CLSTN2: variants seen among roughly 807,000 people sequenced by gnomAD.
The protein encoded by CLSTN2 is calsyntenin 2.
A neutral mutation model predicts 101.2 loss-of-function variants in CLSTN2; 48 were observed. The observed-to-expected ratio is 0.47, with a 90% CI of 0.38 to 0.60. The LOEUF is 0.60. Among genes scored for constraint, CLSTN2 ranks in the 20% least tolerant of loss-of-function variants. The probability of loss-of-function intolerance (pLI) is 0.00; values close to 1 mark genes in which losing one functional copy is unlikely to be tolerated. For synonymous variants in CLSTN2, 481 were observed against 463.6 expected (o/e 1.04, Z -0.48); for missense variants, 1,160 against 1,238.2 (o/e 0.94, Z 0.95).
chr3:139,954,128 C>T (rs1311349310), intron 1 of CLSTN2, among the ~76,000 whole-genome samples: 4 of 152,112 alleles, frequency 2.6e-5, no homozygotes, highest in Non-Finnish European at 5.9e-5. Flanking sequence ...CCCCCTCCAA[C>T]CCTCCATCCT....
rs545057151 is a variant in CLSTN2 at position 140,250,709 on chromosome 3, G to A, written c.232+74636G>A. Reference sequence around the variant, plus strand: ...GATGAGCCTTCGCCAGGGATAATTAGGCCAAATGGGTGTGAAAATCTACCC... The same window carrying A: ...GATGAGCCTTCGCCAGGGATAATTAAGCCAAATGGGTGTGAAAATCTACCC... On this transcript the variant is annotated intron_variant, in intron 2 of 16. Coordinates refer to ENST00000458420, the MANE Select transcript of CLSTN2 (RefSeq NM_022131.3). Among the ~76,000 whole-genome samples, 10 of 152,262 alleles carry A rather than the reference G, an allele frequency of 6.6e-5. No individual in the cohort carries two copies. The South Asian group carries it at 2.1e-3, about 32-fold the overall frequency.
intron 2 of CLSTN2, among the ~76,000 whole-genome samples, chr3:140,346,189 T>G (rs760359491): frequency 6.6e-6 from 1 of 152,246 alleles, no homozygotes; most frequent in Non-Finnish European, 1.5e-5. Flanking sequence ...AGGTGTGTAT[T>G]CTATGCCAGT....
chr3:140,106,464 G>A (rs2009059751), intron 1 of CLSTN2, among the ~76,000 whole-genome samples: 1 of 152,184 alleles, frequency 6.6e-6, no homozygotes, highest in African/African-American at 2.4e-5. Context: ...CTGACACACA[G>A]GATGGAGCAG....
At chr3:139,976,181 G>C (rs2107821242) in intron 1 of CLSTN2, among the ~76,000 whole-genome samples, 1 of 152,286 alleles carries the variant, frequency 6.6e-6, no homozygotes, top group South Asian at 2.1e-4. Context: ...ATTATAGGAA[G>C]AGCCTGCTCT....
chr3:140,073,434 G>A (rs1033250797), intron 1 of CLSTN2, among the ~76,000 whole-genome samples: 1 of 152,214 alleles, frequency 6.6e-6, no homozygotes, highest in African/African-American at 2.4e-5. Context: ...TGCCTCACCA[G>A]CTGACTAATT....
chr3:140,191,442 C>T (rs921610618), intron 2 of CLSTN2, among the ~76,000 whole-genome samples: 1 of 151,940 alleles, frequency 6.6e-6, no homozygotes, highest in African/African-American at 2.4e-5. Context: ...GAAGTGTCCC[C>T]TCCTGTTTTC....
rs1282714148 is a variant in CLSTN2 at position 140,320,710 on chromosome 3, AG to A, written c.233-82918del. Among the ~76,000 whole-genome samples the A allele has an allele frequency of 1.3e-4, 20 of 152,310 alleles. No homozygotes were observed. The East Asian group carries it at 3.9e-3, about 29-fold the overall frequency. Reference sequence around the variant, plus strand: ...TATTGACTCCCCCTTCCAAAAAAAAAGAAAAAAAGGATACAGGAACAAGTTC... The same window carrying A: ...TATTGACTCCCCCTTCCAAAAAAAAAAAAAAAAGGATACAGGAACAAGTTC... On this transcript the variant is annotated intron_variant, in intron 2 of 16. Coordinates refer to ENST00000458420, the MANE Select transcript of CLSTN2 (RefSeq NM_022131.3).
chr3:140,455,079 G>A lies in CLSTN2; in HGVS notation c.974-4442G>A, dbSNP rs192068604. On this transcript the variant is annotated intron_variant, in intron 6 of 16. Coordinates refer to ENST00000458420, the MANE Select transcript of CLSTN2 (RefSeq NM_022131.3). ...CCCCAAGGTAGAGCCACTTCTGTTG[G>A]GTTCATTGCTGCATTCTCATGGCAG... 1.2e-4 allele frequency among the ~76,000 whole-genome samples: 19 copies of A among 152,308 alleles called. No individual in the cohort carries two copies. The East Asian group carries it at 3.5e-3, about 28-fold the overall frequency.
chr3:140,147,191 C>G (rs557734889), intron 1 of CLSTN2, among the ~76,000 whole-genome samples: 10 of 152,332 alleles, frequency 6.6e-5, no homozygotes, highest in African/African-American at 2.4e-4. Flanking sequence ...CCCAGTGGGT[C>G]CTCTGAGGTG....
At chr3:140,242,165 G>T (rs1173520831) in intron 2 of CLSTN2, among the ~76,000 whole-genome samples, 1 of 151,982 alleles carries the variant, frequency 6.6e-6, no homozygotes, top group Non-Finnish European at 1.5e-5. Flanking sequence ...GCCCACCTTG[G>T]CCTCCCCAAG....
chr3:140,455,997 CCT>C (rs1933389425), intron 6 of CLSTN2, among the ~76,000 whole-genome samples: 1 of 152,124 alleles, frequency 6.6e-6, no homozygotes, highest in Non-Finnish European at 1.5e-5. Flanking sequence ...TCAGTGTGCC[CCT>C]CTGTCAGAGC....
At chr3:140,562,044 C>T in intron 12 of CLSTN2, 94 bp from the exon 13 acceptor site, 1 of 1,141,498 alleles carries the variant, frequency 8.8e-7, no homozygotes, top group East Asian at 2.4e-5. Flanking sequence ...CAGCCTTAAC[C>T]TGGGGTGCAA....
chr3:140,400,369 A>T (rs1352039315), intron 2 of CLSTN2, among the ~76,000 whole-genome samples: 1 of 152,166 alleles, frequency 6.6e-6, no homozygotes, highest in Non-Finnish European at 1.5e-5. Context: ...GTCCCATCAG[A>T]CTTTATTCAC....
intron 2 of CLSTN2, among the ~76,000 whole-genome samples, chr3:140,308,192 C>T (rs576921892): frequency 6.6e-6 from 1 of 152,300 alleles, no homozygotes; most frequent in Non-Finnish European, 1.5e-5. Flanking sequence ...CTGACAGTAG[C>T]AATATCCACT....
At chr3:140,352,588 G>T (rs762094732) in intron 2 of CLSTN2, among the ~76,000 whole-genome samples, 4 of 152,134 alleles carry the variant, frequency 2.6e-5, no homozygotes, top group Non-Finnish European at 5.9e-5. Context: ...TTTGCATTCC[G>T]ACAATGGATG....
chr3:140,212,377 T>A (rs2010866835), intron 2 of CLSTN2, among the ~76,000 whole-genome samples: 1 of 152,208 alleles, frequency 6.6e-6, no homozygotes, highest in South Asian at 2.1e-4. Context: ...GTAACATTTT[T>A]CATTTGCCAC....
chr3:140,362,954 A>T (rs1400248396), intron 2 of CLSTN2, among the ~76,000 whole-genome samples: 1 of 152,190 alleles, frequency 6.6e-6, no homozygotes, highest in Non-Finnish European at 1.5e-5. Flanking sequence ...TAAACTTATC[A>T]TATGACCTAG....
intron 5 of CLSTN2, among the ~76,000 whole-genome samples, chr3:140,435,332 G>T (rs775836804): frequency 3.9e-5 from 6 of 151,982 alleles, no homozygotes; most frequent in East Asian, 1.9e-4. Flanking sequence ...GTCTTTCTGT[G>T]CTTGACTTAT....
chr3:140,176,926 A>T (rs537571063), intron 2 of CLSTN2, among the ~76,000 whole-genome samples: 1 of 152,246 alleles, frequency 6.6e-6, no homozygotes, highest in African/African-American at 2.4e-5. Flanking sequence ...GATGAAGTCT[A>T]TTTTTTTCTG....
Sources: allele counts gnomAD v4.1 joint callset (sites outside exome capture counted in the v4.1 genomes callset), GRCh38; gene constraint gnomAD v4.1.1; transcripts MANE v1.5; gene names NCBI Gene and HGNC (gene_info 2026-07-23, HGNC 2026-07-21).